The following SCHIP1 variants were observed in gnomAD, a reference collection of about 807,000 sequenced individuals.
SCHIP1 encodes schwannomin-interacting protein 1.
SCHIP1 carries 8 observed loss-of-function variants against 29.7 expected under a neutral mutation model. The ratio of observed to expected loss-of-function variants is 0.27; its 90% CI spans 0.16 to 0.49. SCHIP1 has a LOEUF of 0.49. Among genes scored for constraint, SCHIP1 ranks in the 20% least tolerant of loss-of-function variants. The pLI is 0.99. For synonymous variants in SCHIP1, 76 were observed against 94.9 expected (o/e 0.80, Z 1.16); for missense variants, 193 against 294.6 (o/e 0.66, Z 2.52).
the SCHIP1 span, among the ~76,000 whole-genome samples, chr3:159,756,861 T>G: frequency 6.6e-6 from 1 of 152,226 alleles, no homozygotes; most frequent in African/African-American, 2.4e-5. Context: ...CCAGTCTTTT[T>G]GCTAAAACAA....
At chr3:159,754,616 C>T in the SCHIP1 span, among the ~76,000 whole-genome samples, 1 of 152,190 alleles carries the variant, frequency 6.6e-6, no homozygotes, top group African/African-American at 2.4e-5. Context: ...CACTGATTCC[C>T]CCTGACTTTG....
chr3:159,641,278 A>G, the SCHIP1 span, among the ~76,000 whole-genome samples: 1 of 152,158 alleles, frequency 6.6e-6, no homozygotes, highest in Non-Finnish European at 1.5e-5. Context: ...ACAATTTATC[A>G]TGGATTTGGA....
the SCHIP1 span, among the ~76,000 whole-genome samples, chr3:159,427,303 A>G: frequency 1.3e-5 from 2 of 151,732 alleles, 1 homozygote; most frequent in South Asian, 4.2e-4. Flanking sequence ...AGAAAACCCC[A>G]TTGTCTCAGC....
chr3:159,763,165 G>A, the SCHIP1 span, among the ~76,000 whole-genome samples: 1 of 152,158 alleles, frequency 6.6e-6, no homozygotes, highest in East Asian at 1.9e-4. Context: ...ATGCGGCGGC[G>A]GCAAGGCGGC....
At chr3:159,826,888 C>T in the SCHIP1 span, among the ~76,000 whole-genome samples, 469 of 152,294 alleles carry the variant, frequency 3.1e-3, 2 homozygotes, top group African/African-American at 0.011. Context: ...GATTAATGTG[C>T]AGATTGATTT....
At chr3:159,618,962 T>C in the SCHIP1 span, among the ~76,000 whole-genome samples, 1 of 152,340 alleles carries the variant, frequency 6.6e-6, no homozygotes, top group East Asian at 1.9e-4. Flanking sequence ...CTCTTTCCCT[T>C]TGCAGCATTC....
the SCHIP1 span, among the ~76,000 whole-genome samples, chr3:159,378,290 G>A: frequency 6.6e-6 from 1 of 152,148 alleles, no homozygotes; most frequent in African/African-American, 2.4e-5. Context: ...TAATGCATCA[G>A]ACAATCAGTT....
chr3:159,327,270 G>A, the SCHIP1 span, among the ~76,000 whole-genome samples: 30 of 152,226 alleles, frequency 2.0e-4, no homozygotes, highest in South Asian at 8.3e-4. Context: ...CCTCTTCCTC[G>A]TTGGTCAAAT....
the SCHIP1 span, chr3:159,722,158 C>T: frequency 2.0e-5 from 5 of 253,850 alleles, no homozygotes; most frequent in African/African-American, 6.9e-5. Context: ...ATGGTGGATA[C>T]CTGTATGGTG....
the SCHIP1 span, among the ~76,000 whole-genome samples, chr3:159,400,900 A>G: frequency 6.6e-6 from 1 of 152,152 alleles, no homozygotes; most frequent in Non-Finnish European, 1.5e-5. Context: ...ATCTTCTGTT[A>G]TCCTTGTTTC....
chr3:159,495,118 G>T, the SCHIP1 span, among the ~76,000 whole-genome samples: 3 of 152,122 alleles, frequency 2.0e-5, no homozygotes, highest in African/African-American at 7.2e-5. Context: ...AAAATAATAA[G>T]AGCTATCTAT....
At chr3:159,615,590 T>C in the SCHIP1 span, among the ~76,000 whole-genome samples, 26,227 of 152,164 alleles carry the variant, frequency 0.17, 6,454 homozygotes, top group African/African-American at 0.55. Flanking sequence ...AGATGACCCT[T>C]ACCTGCCTCA....
the SCHIP1 span, among the ~76,000 whole-genome samples, chr3:159,623,490 G>A: frequency 6.6e-6 from 1 of 152,114 alleles, no homozygotes. Flanking sequence ...GCCGGGCATG[G>A]TGGCGCATGC....
chr3:159,411,190 G>C, the SCHIP1 span, among the ~76,000 whole-genome samples: 18 of 152,066 alleles, frequency 1.2e-4, no homozygotes, highest in Non-Finnish European at 2.2e-4. Flanking sequence ...TTGTTAGCTA[G>C]AATAAATAAG....
At chr3:159,499,152 T>A in the SCHIP1 span, among the ~76,000 whole-genome samples, 1 of 152,222 alleles carries the variant, frequency 6.6e-6, no homozygotes, top group African/African-American at 2.4e-5. Flanking sequence ...ATTTCTGCAT[T>A]GGTTAAACTC....
At chr3:159,439,597 C>CT in the SCHIP1 span, among the ~76,000 whole-genome samples, 1 of 152,112 alleles carries the variant, frequency 6.6e-6, no homozygotes. Context: ...ATATCAGTAT[C>CT]TGATTGCGGT....
At chr3:159,465,341 T>TGTG in the SCHIP1 span, among the ~76,000 whole-genome samples, 3 of 136,518 alleles carry the variant, frequency 2.2e-5, no homozygotes, top group Non-Finnish European at 3.2e-5. Context: ...GTGTGTGTGT[T>TGTG]TGTGTGCGTG....
chr3:159,726,410 G>A, the SCHIP1 span, among the ~76,000 whole-genome samples: 7 of 152,280 alleles, frequency 4.6e-5, no homozygotes, highest in African/African-American at 7.2e-5. Context: ...AAGCAGAGCC[G>A]CAGGCTGACA....
At chr3:159,428,474 C>T in the SCHIP1 span, among the ~76,000 whole-genome samples, 253 of 152,182 alleles carry the variant, frequency 1.7e-3, 3 homozygotes, top group South Asian at 0.022. Flanking sequence ...ATCATAGAAA[C>T]GCAAATCAAA....
Sources: gnomAD v4.1 joint callset for allele counts (sites outside exome capture counted in the v4.1 genomes callset) on GRCh38, gnomAD v4.1.1 for gene constraint, MANE v1.5 for transcripts, NCBI Gene and HGNC (gene_info 2026-07-23, HGNC 2026-07-21) for gene names.